The following GRIK1 variants were observed in gnomAD, a reference collection of about 807,000 sequenced individuals.
GRIK1 encodes the protein glutamate ionotropic receptor kainate type subunit 1, also known as glutamate receptor ionotropic, kainate 1.
In GRIK1, 69 loss-of-function variants were observed where a neutral mutation model predicts 105.7. That is an observed-to-expected ratio of 0.65 (90% CI 0.54 to 0.80). The LOEUF (loss-of-function observed/expected upper bound fraction) is 0.80. Ranked by LOEUF, GRIK1 falls within the 30% of genes least tolerant of loss-of-function variation. GRIK1 has a pLI of 0.00. For missense variants in GRIK1, 1,109 were observed against 1,167.3 expected (o/e 0.95, Z 0.73); for synonymous variants, 438 against 431.3 (o/e 1.02, Z -0.19).
At chr21:29,886,281 G>C (rs754190785) in intron 1 of GRIK1, among the ~76,000 whole-genome samples, 3 of 152,056 alleles carry the variant, frequency 2.0e-5, no homozygotes, top group Non-Finnish European at 4.4e-5. Context: ...AAAATATAAA[G>C]TCTATGCTCT....
At chr21:29,932,316 T>C (rs1223694780) in intron 1 of GRIK1, among the ~76,000 whole-genome samples, 1 of 152,178 alleles carries the variant, frequency 6.6e-6, no homozygotes, top group African/African-American at 2.4e-5. Context: ...TTACTTATTA[T>C]TTAGTCAATA....
chr21:29,926,129 G>A (rs2071363153), intron 1 of GRIK1, among the ~76,000 whole-genome samples: 1 of 150,440 alleles, frequency 6.6e-6, no homozygotes, highest in South Asian at 2.1e-4. Context: ...AAACTTGCAA[G>A]GTATGTATAG....
At chr21:29,613,638 ATAGG>A in intron 7 of GRIK1, among the ~76,000 whole-genome samples, 1 of 152,312 alleles carries the variant, frequency 6.6e-6, no homozygotes, top group East Asian at 1.9e-4. Context: ...CAGGAAATTA[ATAGG>A]TAAATAGTAA....
At chr21:29,876,140 G>T (rs2146160406) in intron 1 of GRIK1, among the ~76,000 whole-genome samples, 1 of 152,118 alleles carries the variant, frequency 6.6e-6, no homozygotes, top group South Asian at 2.1e-4. Context: ...GTGTGTGTGT[G>T]TGTCTTTCCT....
At chr21:29,659,510 G>T (rs2062919716) in intron 4 of GRIK1, among the ~76,000 whole-genome samples, 1 of 152,168 alleles carries the variant, frequency 6.6e-6, no homozygotes, top group Non-Finnish European at 1.5e-5. Context: ...CCTTAAATCA[G>T]CAGCGGGGGA....
chr21:29,920,891 G>A (rs926204819), intron 1 of GRIK1, among the ~76,000 whole-genome samples: 7 of 151,448 alleles, frequency 4.6e-5, no homozygotes, highest in African/African-American at 1.7e-4. Context: ...CACTAACGTG[G>A]TATGTGGCTT....
intron 4 of GRIK1, among the ~76,000 whole-genome samples, chr21:29,664,585 A>G (rs939654887): frequency 9.2e-5 from 14 of 152,122 alleles, no homozygotes; most frequent in Admixed American, 8.5e-4. Context: ...TCACCCTAGA[A>G]GATTCTTTGG....
chr21:29,882,272 A>C (rs966472830), intron 1 of GRIK1, among the ~76,000 whole-genome samples: 1 of 152,080 alleles, frequency 6.6e-6, no homozygotes, highest in African/African-American at 2.4e-5. Flanking sequence ...TGACTACCAT[A>C]TTATTCCTAG....
chr21:29,618,375 A>G (rs2061900730), intron 7 of GRIK1, among the ~76,000 whole-genome samples: 2 of 152,216 alleles, frequency 1.3e-5, no homozygotes, highest in African/African-American at 4.8e-5. Context: ...GGTGGTGTGG[A>G]TGCAATGTAA....
Position 29,854,815 on chromosome 21 carries a change from G to A in GRIK1, c.118+84568C>T, listed in dbSNP as rs553808981. ...CTGATCATTTCTTTCACTCTTCCTT[G>A]ATCAAAGTTAAACAGTCAAGGGGTC... On this transcript the variant is annotated intron_variant, in intron 1 of 17. Transcript: ENST00000327783. Among the ~76,000 whole-genome samples, 6 of 152,064 alleles carry A rather than the reference G, an allele frequency of 3.9e-5. No homozygotes were observed. In the South Asian group the frequency reaches 1.2e-3, roughly 32 times the overall value.
chr21:29,916,938 T>C (rs1407833594), intron 1 of GRIK1, among the ~76,000 whole-genome samples: 1 of 152,118 alleles, frequency 6.6e-6, no homozygotes, highest in African/African-American at 2.4e-5. Flanking sequence ...TATAGATACA[T>C]ACACACACAG....
chr21:29,867,852 G>GA (rs1569174130), intron 1 of GRIK1, among the ~76,000 whole-genome samples: 1 of 109,728 alleles, frequency 9.1e-6, no homozygotes, highest in Admixed American at 1.2e-4. Context: ...AGGAAGGAAA[G>GA]AGAGAAAGAG....
chr21:29,611,994 T>C (rs1180400329), intron 7 of GRIK1, among the ~76,000 whole-genome samples: 1 of 152,150 alleles, frequency 6.6e-6, no homozygotes, highest in Non-Finnish European at 1.5e-5. Flanking sequence ...CAGGATCCTA[T>C]TTCTCAGTTT....
intron 16 of GRIK1, chr21:29,553,660 T>C (rs1156843107): frequency 6.2e-7 from 1 of 1,608,846 alleles, no homozygotes; most frequent in African/African-American, 1.3e-5. Flanking sequence ...TGGAGTTGGT[T>C]GGATGGGTTT....
chr21:29,696,850 T>C (rs1187054305), intron 1 of GRIK1, among the ~76,000 whole-genome samples: 1 of 152,192 alleles, frequency 6.6e-6, no homozygotes, highest in African/African-American at 2.4e-5. Flanking sequence ...AATACCTGAA[T>C]AGGAAACAGA....
chr21:29,602,229 T>C (rs2061532576), intron 7 of GRIK1, among the ~76,000 whole-genome samples: 1 of 152,184 alleles, frequency 6.6e-6, no homozygotes, highest in South Asian at 2.1e-4. Context: ...TGAAAGTGAT[T>C]CATGAAGCAC....
chr21:29,746,330 G>C (rs1322726449), intron 1 of GRIK1, among the ~76,000 whole-genome samples: 3 of 152,166 alleles, frequency 2.0e-5, no homozygotes, highest in Non-Finnish European at 4.4e-5. Flanking sequence ...TTCTGCCTAT[G>C]TGCCAAGCCC....
intron 1 of GRIK1, among the ~76,000 whole-genome samples, chr21:29,802,313 T>G (rs1301934528): frequency 6.6e-6 from 1 of 152,156 alleles, no homozygotes; most frequent in African/African-American, 2.4e-5. Context: ...TAAGGCTTTA[T>G]TACAAAATGC....
rs564907410 is a variant in GRIK1 at position 29,559,005 on chromosome 21, A to G, written c.2356+2619T>C. Among the ~76,000 whole-genome samples the G allele has an allele frequency of 4.6e-5, 7 of 152,306 alleles. No individual in the cohort carries two copies. In the South Asian group the frequency reaches 1.5e-3, roughly 32 times the overall value. ...ATGATACACATTGTTATTTTAAATC[A>G]TTGTTAACAGACAGGAATTTTGGTG... On this transcript the variant is annotated intron_variant, in intron 15 of 17. Coordinates refer to ENST00000327783, the MANE Select transcript of GRIK1 (RefSeq NM_001330994.2).
Sources: allele counts gnomAD v4.1 joint callset (sites outside exome capture counted in the v4.1 genomes callset), GRCh38; gene constraint gnomAD v4.1.1; transcripts MANE v1.5; gene names NCBI Gene and HGNC (gene_info 2026-07-23, HGNC 2026-07-21).